The following PDZD8 variants were observed in gnomAD, a reference collection of about 807,000 sequenced individuals.
PDZD8 encodes PDZ domain-containing protein 8.
Under a neutral mutation model 85.8 loss-of-function variants are expected in PDZD8, and 14 were observed. The ratio of observed to expected loss-of-function variants is 0.16; its 90% confidence interval spans 0.11 to 0.26. The LOEUF is 0.26. Ranked by LOEUF, PDZD8 falls within the 10% of genes least tolerant of loss-of-function variation. PDZD8 has a pLI of 1.00. For missense variants in PDZD8, 1,197 were observed against 1,424.3 expected (o/e 0.84, Z 2.57); for synonymous variants, 592 against 568.6 (o/e 1.04, Z -0.59).
In PDZD8 at chr10:117,368,181, A is replaced by G. The variant is rs73393109; in HGVS notation, c.872+6175T>C. On this transcript the variant is annotated intron_variant, in intron 1 of 4. Coordinates refer to ENST00000334464, the MANE Select transcript of PDZD8 (RefSeq NM_173791.5). The stretch of plus-strand genomic sequence containing the variant: ...ACTAGGTAGTATGCACTAAGCACTT[A>G]CTGAAGATAAATGACTATTTTTTAA... Among the ~76,000 whole-genome samples, 706 of 152,362 alleles carry G rather than the reference A, an allele frequency of 4.6e-3. 2 individuals are homozygous for G. Among genetic ancestry groups the G allele is most frequent in the African/African-American group, 0.016 (676 of 41,574 alleles).
intron 1 of PDZD8, among the ~76,000 whole-genome samples, chr10:117,368,419 G>A (rs1266840758): frequency 6.6e-6 from 1 of 152,108 alleles, no homozygotes; most frequent in African/African-American, 2.4e-5. Context: ...ATCAACATTA[G>A]TAAGTAAAAC....
At chr10:117,346,972 T>G (rs558194725) in intron 1 of PDZD8, among the ~76,000 whole-genome samples, 106 of 152,162 alleles carry the variant, frequency 7.0e-4, no homozygotes, top group African/African-American at 2.5e-3. Context: ...TCACAGTAAA[T>G]CAGAGACCCT....
intron 1 of PDZD8, among the ~76,000 whole-genome samples, chr10:117,341,633 A>C (rs1844614786): frequency 6.6e-6 from 1 of 152,180 alleles, no homozygotes; most frequent in Admixed American, 6.5e-5. Flanking sequence ...ATAATACCTA[A>C]TACAATGTAA....
intron 3 of PDZD8, among the ~76,000 whole-genome samples, chr10:117,315,238 C>A (rs1406640108): frequency 1.3e-5 from 2 of 152,096 alleles, no homozygotes; most frequent in Non-Finnish European, 2.9e-5. Flanking sequence ...ACAGAAGGCA[C>A]AGGCAGACTA....
intron 2 of PDZD8, among the ~76,000 whole-genome samples, chr10:117,336,112 T>C (rs1223173289): frequency 1.3e-5 from 2 of 152,254 alleles, no homozygotes; most frequent in East Asian, 3.8e-4. Context: ...ATATACACTT[T>C]ATAGCCTGAA....
At chr10:117,328,663 A>G (rs1844361020) in intron 2 of PDZD8, among the ~76,000 whole-genome samples, 1 of 151,328 alleles carries the variant, frequency 6.6e-6, no homozygotes, top group African/African-American at 2.4e-5. Context: ...ATGTTAACCA[A>G]TCAGTCTTTT....
In PDZD8 at chr10:117,284,380, A is replaced by G; in HGVS notation, c.2353T>C (p.Cys785Arg). 6.2e-7 allele frequency: 1 copy of G among 1,614,214 alleles called. No individual in the cohort carries two copies. Among genetic ancestry groups the G allele is most frequent in the South Asian group, 1.1e-5 (1 of 91,086 alleles). ...AAGTGAATAGTAATGTCACCATAGC[A>G]AAATTTGTCATTGAATCCCTTTTGC... ...SMQKGFNDKFCYGDITIHFKY... is the reference protein window; with the variant it reads ...SMQKGFNDKFRYGDITIHFKY... Residue 785 changes from cysteine (C) to arginine (R), a missense_variant, in exon 5 of 5, where the codon TGC (cysteine) becomes CGC (arginine). Transcript: ENST00000334464.
rs534833445 is a variant in PDZD8 at position 117,358,442 on chromosome 10, A to G, written c.872+15914T>C. Among the ~76,000 whole-genome samples the G allele has an allele frequency of 3.9e-5, 6 of 152,030 alleles. No homozygotes were observed. The East Asian group carries it at 1.2e-3, about 30-fold the overall frequency. ...ATTACTTTTGCACCAACCTATAGTCATCTTTCTTTCCCCCTCATCTCCCCT... is the reference window on the plus strand; with the variant it reads ...ATTACTTTTGCACCAACCTATAGTCGTCTTTCTTTCCCCCTCATCTCCCCT... On this transcript the variant is annotated intron_variant, in intron 1 of 4. Transcript: ENST00000334464.
intron 2 of PDZD8, among the ~76,000 whole-genome samples, chr10:117,333,087 C>A (rs1319724467): frequency 4.8e-5 from 6 of 124,024 alleles, no homozygotes; most frequent in Non-Finnish European, 9.6e-5. Flanking sequence ...CCATTGCACT[C>A]CAGCCTGGAC....
intron 1 of PDZD8, among the ~76,000 whole-genome samples, chr10:117,371,653 C>A (rs893307988): frequency 1.3e-5 from 2 of 152,092 alleles, no homozygotes; most frequent in Non-Finnish European, 2.9e-5. Context: ...TCTTACAAAG[C>A]GCCGGGCAAG....
intron 3 of PDZD8, among the ~76,000 whole-genome samples, chr10:117,318,078 C>T (rs1844160886): frequency 6.6e-6 from 1 of 152,150 alleles, no homozygotes; most frequent in South Asian, 2.1e-4. Flanking sequence ...AAAAATACTA[C>T]ATAGTTGTCC....
At chr10:117,323,969 C>G (rs975886286) in intron 2 of PDZD8, among the ~76,000 whole-genome samples, 5 of 151,878 alleles carry the variant, frequency 3.3e-5, no homozygotes, top group African/African-American at 1.2e-4. Context: ...AGCTCTCGCC[C>G]GTAATCCCAG....
rs755346858 is a variant in PDZD8 at position 117,283,770 on chromosome 10, T to G, written c.2963A>C (p.Asn988Thr). The G allele has an allele frequency of 6.2e-7, 1 of 1,614,224 alleles. No individual in the cohort carries two copies. Among genetic ancestry groups the G allele is most frequent in the South Asian group, 1.1e-5 (1 of 91,082 alleles). ...EGSDTEVCGP[N>T]SPSKRGNSTG... The stretch of plus-strand genomic sequence containing the variant: ...GCTGTTTCCCCGTTTAGAAGGACTG[T>G]TTGGACCACAGACCTCCGTGTCACT... Residue 988 changes from asparagine (N) to threonine (T), a missense_variant, in exon 5 of 5, where the codon AAC becomes ACC. Transcript: ENST00000334464.
chr10:117,307,922 G>A (rs1843971029), intron 3 of PDZD8, among the ~76,000 whole-genome samples: 1 of 151,970 alleles, frequency 6.6e-6, no homozygotes, highest in East Asian at 1.9e-4. Context: ...CCTTCAATTA[G>A]TATATTATAG....
chr10:117,358,522 C>G (rs1203694657), intron 1 of PDZD8, among the ~76,000 whole-genome samples: 1 of 152,096 alleles, frequency 6.6e-6, no homozygotes, highest in Non-Finnish European at 1.5e-5. Flanking sequence ...AACCCTTAGT[C>G]CTCACTGCTG....
At chr10:117,295,105 C>A (rs182012564) in intron 3 of PDZD8, among the ~76,000 whole-genome samples, 4 of 152,040 alleles carry the variant, frequency 2.6e-5, no homozygotes, top group Middle Eastern at 3.4e-3. Context: ...ATGACTGCAC[C>A]ACTACAGTCC....
intron 1 of PDZD8, among the ~76,000 whole-genome samples, chr10:117,362,090 T>G (rs908796993): frequency 2.6e-5 from 4 of 152,132 alleles, no homozygotes; most frequent in African/African-American, 9.7e-5. Flanking sequence ...TTTTTCCCTA[T>G]CCAAATAAAA....
Position 117,319,392 on chromosome 10 carries a change from AACACACACACACAC to A in PDZD8, c.996-432_996-419del, listed in dbSNP as rs199983551. ...CTAAAGTGCAATATAATTGCTCATA[AACACACACACACAC>A]ACACACACACACACACACACACACA... On this transcript the variant is annotated intron_variant, in intron 2 of 4. Transcript: ENST00000334464. 2.1e-3 allele frequency among the ~76,000 whole-genome samples: 218 copies of A among 101,820 alleles called. 1 individual carries two copies. Among genetic ancestry groups the A allele is most frequent in the Middle Eastern group, 0.011 (2 of 190 alleles). 66.8% of individuals were successfully genotyped at this position (101,820 alleles called of 152,430 possible). A position where few individuals can be genotyped will look rare whatever the true frequency, so the allele number is the denominator to read the frequency against.
At chr10:117,287,544 C>A (rs1294726507) in intron 4 of PDZD8, among the ~76,000 whole-genome samples, 1 of 152,176 alleles carries the variant, frequency 6.6e-6, no homozygotes, top group Non-Finnish European at 1.5e-5. Flanking sequence ...TCTGTCCTCA[C>A]TACTATCAAT....
Sources: allele counts gnomAD v4.1 joint callset (sites outside exome capture counted in the v4.1 genomes callset), GRCh38; gene constraint gnomAD v4.1.1; transcripts MANE v1.5; gene names NCBI Gene and HGNC (gene_info 2026-07-23, HGNC 2026-07-21).